The following CTNNBL1 variants were observed in gnomAD, a reference collection of about 807,000 sequenced individuals.
CTNNBL1 encodes catenin beta like 1, also known as beta-catenin-like protein 1.
A neutral mutation model predicts 72.7 loss-of-function variants in CTNNBL1; 31 were observed. The ratio of observed to expected loss-of-function variants is 0.43; its 90% CI spans 0.32 to 0.58. CTNNBL1 has a LOEUF of 0.58. CTNNBL1 is among the 20% of genes least tolerant of loss of function. The pLI, the probability that CTNNBL1 is intolerant of heterozygous loss-of-function variation, is 0.08. For synonymous variants in CTNNBL1, 240 were observed against 267.3 expected, an observed-to-expected ratio of 0.90 and a Z score of 1.00; for missense variants, 534 against 725.1, an observed-to-expected ratio of 0.74 and a Z score of 3.03.
chr20:37,771,908 C>G (rs921648985), intron 7 of CTNNBL1, among the ~76,000 whole-genome samples: 1 of 151,984 alleles, frequency 6.6e-6, no homozygotes, highest in Non-Finnish European at 1.5e-5. Context: ...TTTCTTCATG[C>G]CCCCTTTCCA....
At chr20:37,842,691 G>A (rs1337175926) in intron 13 of CTNNBL1, among the ~76,000 whole-genome samples, 2 of 152,202 alleles carry the variant, frequency 1.3e-5, no homozygotes, top group African/African-American at 2.4e-5. Context: ...GCTTCTCTTC[G>A]AAAATCTGGC....
rs575546028 is a variant in CTNNBL1 at position 37,834,441 on chromosome 20, G to A, written c.1214-5661G>A. On this transcript the variant is annotated intron_variant, in intron 11 of 15. Coordinates refer to ENST00000361383, the MANE Select transcript of CTNNBL1 (RefSeq NM_030877.5). ...CTAATTCTGTAAAATAGAGAAAGAG[G>A]GTTGTTATTCATGTCTTACTCCATA... Among the ~76,000 whole-genome samples the A allele has an allele frequency of 2.6e-5, 4 of 152,142 alleles. No homozygotes were observed. The East Asian group carries it at 7.7e-4, about 29-fold the overall frequency.
At chr20:37,859,484 G>A (rs966383807) in intron 13 of CTNNBL1, among the ~76,000 whole-genome samples, 11 of 151,964 alleles carry the variant, frequency 7.2e-5, no homozygotes, top group African/African-American at 1.2e-4. Context: ...TCATAAAGTC[G>A]ATCCATGGTA....
At chr20:37,855,968 G>A (rs930748407) in intron 13 of CTNNBL1, among the ~76,000 whole-genome samples, 8 of 151,978 alleles carry the variant, frequency 5.3e-5, no homozygotes, top group African/African-American at 1.5e-4. Context: ...TGGGCACAGC[G>A]CCTCATGCCT....
chr20:37,802,827 C>T (rs756592245), intron 10 of CTNNBL1, 40 bp from the exon 11 acceptor site: 2 of 1,511,872 alleles, frequency 1.3e-6, no homozygotes, highest in South Asian at 1.2e-5. Context: ...TCTATAATTT[C>T]CCCATGAAAT....
chr20:37,717,914 A>G (rs561919925), intron 1 of CTNNBL1, among the ~76,000 whole-genome samples: 1 of 152,308 alleles, frequency 6.6e-6, no homozygotes, highest in South Asian at 2.1e-4. Context: ...CAGGGAGCAC[A>G]GGGTTGGGGG....
chr20:37,731,053 T>C (rs573186494), intron 1 of CTNNBL1, among the ~76,000 whole-genome samples: 3 of 152,322 alleles, frequency 2.0e-5, no homozygotes, highest in African/African-American at 7.2e-5. Flanking sequence ...TATTTTGATA[T>C]ATGTTTACAG....
chr20:37,725,636 T>C lies in CTNNBL1; in HGVS notation c.31-7243T>C, dbSNP rs147909099. Among the ~76,000 whole-genome samples the C allele has an allele frequency of 2.8e-3, 422 of 149,668 alleles. 4 individuals are homozygous for C. Among genetic ancestry groups the C allele is most frequent in the East Asian group, 0.017 (85 of 4,936 alleles). On this transcript the variant is annotated intron_variant, in intron 1 of 15. Coordinates refer to ENST00000361383, the MANE Select transcript of CTNNBL1 (RefSeq NM_030877.5). ...TCTTAATCAAGTATGTCAGGAGAAA[T>C]AGGGAGCTCAGTGTGTTGTTTTCTA...
intron 11 of CTNNBL1, among the ~76,000 whole-genome samples, chr20:37,809,580 C>A (rs191946600): frequency 6.6e-6 from 1 of 152,316 alleles, no homozygotes; most frequent in African/African-American, 2.4e-5. Flanking sequence ...TCACACGTGT[C>A]ACACTCATTT....
intron 1 of CTNNBL1, among the ~76,000 whole-genome samples, chr20:37,708,567 C>G (rs1418850480): frequency 1.3e-5 from 2 of 152,174 alleles, no homozygotes; most frequent in Non-Finnish European, 2.9e-5. Flanking sequence ...GCTTGTAGTT[C>G]AGAACTAGTT....
chr20:37,854,106 A>T (rs80136664), intron 13 of CTNNBL1, among the ~76,000 whole-genome samples: 1,545 of 152,332 alleles, frequency 0.01, 32 homozygotes, highest in African/African-American at 0.034. Context: ...CTAAAAGTAG[A>T]ATGTCGCATT....
At chr20:37,699,867 G>A (rs747746724) in intron 1 of CTNNBL1, among the ~76,000 whole-genome samples, 1 of 152,100 alleles carries the variant, frequency 6.6e-6, no homozygotes, top group African/African-American at 2.4e-5. Flanking sequence ...TCTCTTGTGG[G>A]CATTGGTTTG....
chr20:37,803,277 G>A (rs2073837854), intron 11 of CTNNBL1, among the ~76,000 whole-genome samples: 1 of 151,986 alleles, frequency 6.6e-6, no homozygotes. Flanking sequence ...ATTTCCTTCT[G>A]GACTGTTAAT....
At chr20:37,768,645 T>C (rs779659851) in intron 7 of CTNNBL1, among the ~76,000 whole-genome samples, 12 of 152,238 alleles carry the variant, frequency 7.9e-5, no homozygotes, top group Non-Finnish European at 1.6e-4. Flanking sequence ...CAGGTAAATA[T>C]AGTACTAAAA....
chr20:37,834,605 C>T (rs2072238807), intron 11 of CTNNBL1, among the ~76,000 whole-genome samples: 1 of 152,158 alleles, frequency 6.6e-6, no homozygotes, highest in African/African-American at 2.4e-5. Flanking sequence ...TACCTTCCTT[C>T]TTTAATAGCA....
chr20:37,846,943 G>A (rs183733291), intron 13 of CTNNBL1, among the ~76,000 whole-genome samples: 2 of 152,202 alleles, frequency 1.3e-5, no homozygotes. Context: ...CTCTGGGACT[G>A]TAATCTCTCT....
intron 15 of CTNNBL1, among the ~76,000 whole-genome samples, chr20:37,865,028 C>A (rs1386115410): frequency 6.6e-6 from 1 of 152,150 alleles, no homozygotes; most frequent in African/African-American, 2.4e-5. Flanking sequence ...TAAACTGGAT[C>A]CAGACTCAGA....
In CTNNBL1 at chr20:37,870,803, G is replaced by T. The variant is rs112465940; in HGVS notation, c.1604-1122G>T. Among the ~76,000 whole-genome samples the T allele has an allele frequency of 2.0e-4, 30 of 152,220 alleles. No homozygotes were observed. In the East Asian group the frequency reaches 4.1e-3, roughly 21 times the overall value. ...ACACCATCTGGGTATGGCCCCTCCC[G>T]TGGCTCCAGGCTGTGGCCACGCTGA... is the stretch of plus-strand genomic sequence containing the variant. On this transcript the variant is annotated intron_variant, in intron 15 of 15. Coordinates refer to ENST00000361383, the MANE Select transcript of CTNNBL1 (RefSeq NM_030877.5).
At chr20:37,797,508 G>A (rs1367103655) in intron 10 of CTNNBL1, among the ~76,000 whole-genome samples, 1 of 151,886 alleles carries the variant, frequency 6.6e-6, no homozygotes, top group Non-Finnish European at 1.5e-5. Flanking sequence ...CTCACACCAT[G>A]GATTAATTAC....
Sources: allele counts gnomAD v4.1 joint callset (sites outside exome capture counted in the v4.1 genomes callset), GRCh38; gene constraint gnomAD v4.1.1; transcripts MANE v1.5; gene names NCBI Gene and HGNC (gene_info 2026-07-23, HGNC 2026-07-21).